PATJ: variants seen among roughly 807,000 people sequenced by gnomAD.
The protein encoded by PATJ is inaD-like protein.
Under a neutral mutation model 224.9 loss-of-function variants are expected in PATJ, and 190 were observed. The ratio of observed to expected loss-of-function variants is 0.84; its 90% confidence interval spans 0.75 to 0.95. PATJ has a LOEUF of 0.95. Among genes scored for constraint, PATJ ranks in the 40% least tolerant of loss-of-function variants. The probability of loss-of-function intolerance (pLI) is 0.00; values close to 1 mark genes in which losing one functional copy is unlikely to be tolerated. For synonymous variants in PATJ, 769 were observed against 820.3 expected, an observed-to-expected ratio of 0.94 and a Z score of 1.07; for missense variants, 2,121 against 2,270.3, an observed-to-expected ratio of 0.93 and a Z score of 1.34.
At chr1:61,824,145 T>A (rs554543211) in intron 15 of PATJ, among the ~76,000 whole-genome samples, 1 of 152,172 alleles carries the variant, frequency 6.6e-6, no homozygotes, top group Non-Finnish European at 1.5e-5. Flanking sequence ...TTGGAAACTA[T>A]TGCTGTAGTA....
At chr1:62,141,312 G>A (rs1340301916) in intron 41 of PATJ, among the ~76,000 whole-genome samples, 1 of 152,120 alleles carries the variant, frequency 6.6e-6, no homozygotes, top group Non-Finnish European at 1.5e-5. Context: ...TCTGTAATAT[G>A]GAAATAATAG....
chr1:62,098,204 A>G (rs983060092), intron 33 of PATJ, among the ~76,000 whole-genome samples: 6 of 151,954 alleles, frequency 3.9e-5, no homozygotes, highest in East Asian at 3.9e-4. Context: ...TTAAAAATAC[A>G]AAAAATTAGC....
At position 61,771,566 on chromosome 1, in the gene PATJ, A is replaced by G; in HGVS notation, c.660A>G (p.Glu220=). The G allele has an allele frequency of 6.2e-7, 1 of 1,612,376 alleles. No individual in the cohort carries two copies. The highest frequency in any genetic ancestry group is 2.2e-5 in the East Asian group (1 of 44,794). Residue 220 remains glutamate (E), a synonymous_variant, in exon 6 of 44, where the codon GAA becomes GAG. Transcript: ENST00000642238. ...CTTTGAGACTGATTGTGGCCAGGGA[A>G]CCAGTCCACACAAAAAGCAGTACTT... The part of the protein sequence containing the change: ...TGSLRLIVAR[E]PVHTKSSTSS...
At chr1:61,814,547 T>TGTGTGTGTGTGTGTGTGCGCGCGC (rs370488022) in intron 14 of PATJ, among the ~76,000 whole-genome samples, 1 of 142,572 alleles carries the variant, frequency 7.0e-6, no homozygotes, top group African/African-American at 2.7e-5. Flanking sequence ...TGTGTGTGTG[T>TGTGTGTGTGTGTGTGTGCGCGCGC]GCGCGCGCGC....
intron 27 of PATJ, among the ~76,000 whole-genome samples, chr1:61,969,035 A>C (rs958638711): frequency 6.6e-6 from 1 of 152,168 alleles, no homozygotes. Context: ...AAGTTCATTC[A>C]TGTTGTAGTA....
intron 29 of PATJ, among the ~76,000 whole-genome samples, chr1:62,028,738 A>C (rs1648546158): frequency 1.3e-5 from 2 of 152,114 alleles, no homozygotes. Context: ...AGCCATGATC[A>C]TGTCACCCAC....
intron 21 of PATJ, 103 bp downstream of exon 21, chr1:61,875,469 T>A: frequency 1.1e-6 from 1 of 919,272 alleles, no homozygotes; most frequent in African/African-American, 1.7e-5. Context: ...TTATTCATTA[T>A]GATGCTTTGA....
intron 1 of PATJ, among the ~76,000 whole-genome samples, chr1:61,746,143 T>C (rs1452775452): frequency 6.6e-6 from 1 of 152,026 alleles, no homozygotes; most frequent in African/African-American, 2.4e-5. Flanking sequence ...GGTTTTGCCA[T>C]GTTGGCCAGG....
intron 24 of PATJ, among the ~76,000 whole-genome samples, chr1:61,907,954 G>A (rs527741261): frequency 1.3e-5 from 2 of 152,164 alleles, no homozygotes; most frequent in South Asian, 4.2e-4. Flanking sequence ...GTGATAACAA[G>A]CAATTTACTT....
intron 37 of PATJ, among the ~76,000 whole-genome samples, chr1:62,119,224 A>T (rs1157478654): frequency 6.6e-6 from 1 of 152,220 alleles, no homozygotes; most frequent in Non-Finnish European, 1.5e-5. Context: ...AGTTTGCCCT[A>T]TTTGGCTAAT....
At chr1:61,991,326 G>A (rs1273654145) in intron 28 of PATJ, among the ~76,000 whole-genome samples, 3 of 152,316 alleles carry the variant, frequency 2.0e-5, no homozygotes, top group Non-Finnish European at 4.4e-5. Flanking sequence ...AGTTTGACTT[G>A]TAGCTCTTTG....
chr1:61,762,973 G>T, intron 2 of PATJ, 40 bp from the exon 3 acceptor site: 1 of 1,546,366 alleles, frequency 6.5e-7, no homozygotes, highest in Non-Finnish European at 8.8e-7. Flanking sequence ...AATCTCAAAT[G>T]GGACTTAACT....
chr1:61,798,980 T>C (rs914861464), intron 11 of PATJ, among the ~76,000 whole-genome samples: 1 of 152,166 alleles, frequency 6.6e-6, no homozygotes, highest in Non-Finnish European at 1.5e-5. Context: ...TCTGAAAATA[T>C]TCTTCTGAAG....
intron 14 of PATJ, among the ~76,000 whole-genome samples, chr1:61,815,634 G>A (rs527258240): frequency 3.3e-4 from 50 of 152,204 alleles, no homozygotes; most frequent in Non-Finnish European, 6.3e-4. Context: ...AGAGGATCTC[G>A]AGGCCAGGAG....
chr1:61,776,406 G>A (rs1227413886), intron 7 of PATJ, among the ~76,000 whole-genome samples: 1 of 152,110 alleles, frequency 6.6e-6, no homozygotes, highest in Non-Finnish European at 1.5e-5. Flanking sequence ...AAAGGCAGTG[G>A]CCACAAACCG....
intron 27 of PATJ, among the ~76,000 whole-genome samples, chr1:61,954,760 T>G (rs910970368): frequency 1.3e-5 from 2 of 151,012 alleles, no homozygotes; most frequent in African/African-American, 2.4e-5. Context: ...CTATTGTTTT[T>G]TTTTTTTTTT....
chr1:61,744,437 C>G (rs894624095), intron 1 of PATJ, among the ~76,000 whole-genome samples: 1 of 152,058 alleles, frequency 6.6e-6, no homozygotes, highest in Admixed American at 6.6e-5. Context: ...AGCTTTCTCC[C>G]TCAGGCTCTC....
intron 21 of PATJ, 52 bp from the exon 22 acceptor site, chr1:61,884,185 A>G (rs2149074606): frequency 1.4e-6 from 2 of 1,450,258 alleles, no homozygotes; most frequent in Non-Finnish European, 1.9e-6. Context: ...TTGAATGACT[A>G]AAGGAGAATG....
rs961282897 is a variant in PATJ at position 61,823,202 on chromosome 1, T to C, written c.1818+123T>C. On this transcript the variant is annotated intron_variant, in intron 15 of 43. Transcript: ENST00000642238. Reference sequence around the variant, plus strand: ...GCCAATGTAATATGAGCCTCTTAGATTGAAAAAACCGAACAGCTTACTGGA... The same window carrying C: ...GCCAATGTAATATGAGCCTCTTAGACTGAAAAAACCGAACAGCTTACTGGA... The C allele has an allele frequency of 3.1e-5, 29 of 948,832 alleles. No individual in the cohort carries two copies. In the African/African-American group the frequency reaches 4.6e-4, roughly 15 times the overall value. The allele number at this position is 948,832 out of a possible 1,614,324, so 58.8% of individuals were successfully genotyped here.
Sources: allele counts gnomAD v4.1 joint callset (sites outside exome capture counted in the v4.1 genomes callset), GRCh38; gene constraint gnomAD v4.1.1; transcripts MANE v1.5; gene names NCBI Gene and HGNC (gene_info 2026-07-23, HGNC 2026-07-21).